Variants in CD2AP observed in about 807,000 individuals in gnomAD.
CD2AP encodes the protein CD2 associated protein, also known as CD2-associated protein.
A neutral mutation model predicts 85.1 loss-of-function variants in CD2AP; 46 were observed. The observed-to-expected ratio is 0.54, with a 90% CI of 0.43 to 0.69. CD2AP has a LOEUF of 0.69. Among genes scored for constraint, CD2AP ranks in the 30% least tolerant of loss-of-function variants. CD2AP has a pLI of 0.00. For missense variants in CD2AP, 769 were observed against 729.5 expected (o/e 1.05, Z -0.62); for synonymous variants, 255 against 252.9 (o/e 1.01, Z -0.08).
chr6:47,529,759 TA>T, intron 2 of CD2AP, among the ~76,000 whole-genome samples: 1 of 152,326 alleles, frequency 6.6e-6, no homozygotes, highest in Non-Finnish European at 1.5e-5. Context: ...TTGTTTTGCT[TA>T]AAGTCACAAT....
chr6:47,617,973 C>T (rs1216491951), intron 17 of CD2AP, among the ~76,000 whole-genome samples: 1 of 152,086 alleles, frequency 6.6e-6, no homozygotes, highest in Non-Finnish European at 1.5e-5. Context: ...TTCTCAAGGC[C>T]CTGCTCAAAC....
intron 1 of CD2AP, 90 bp downstream of exon 1, chr6:47,478,338 G>C: frequency 8.2e-6 from 12 of 1,467,836 alleles, no homozygotes; most frequent in Non-Finnish European, 1.0e-5. Flanking sequence ...GGAGGCGACT[G>C]CGGTCAGCCC....
chr6:47,568,743 C>CAAATAAATAAAT (rs57832054), intron 5 of CD2AP, among the ~76,000 whole-genome samples: 254 of 150,440 alleles, frequency 1.7e-3, no homozygotes, highest in South Asian at 4.7e-3. Flanking sequence ...GACTCCGTCT[C>CAAATAAATAAAT]AAATAAATAA....
At chr6:47,547,671 A>G (rs949183701) in intron 4 of CD2AP, among the ~76,000 whole-genome samples, 2 of 152,156 alleles carry the variant, frequency 1.3e-5, no homozygotes, top group African/African-American at 4.8e-5. Context: ...CCTGGAACAA[A>G]TGGAGTTAAC....
rs1421663503 is a variant in CD2AP at position 47,615,797 on chromosome 6, ATTTATTT to A, written c.1878+3262_1878+3268del. On this transcript the variant is annotated intron_variant, in intron 17 of 17. Transcript: ENST00000359314. ...TTTTAATTTTAATTTAATTTAATTT[ATTTATTT>A]ATTTATTTATTTATTTATTTATTTA... Among the ~76,000 whole-genome samples, 181 of 123,856 alleles carry A rather than the reference ATTTATTT, an allele frequency of 1.5e-3. 1 individual carries two copies. Among genetic ancestry groups the A allele is most frequent in the Middle Eastern group, 7.9e-3 (2 of 254 alleles). The allele number at this position is 123,856 out of a possible 152,430, so 81.3% of individuals were successfully genotyped here.
At chr6:47,483,328 C>T (rs137974940) in intron 1 of CD2AP, among the ~76,000 whole-genome samples, 1 of 152,204 alleles carries the variant, frequency 6.6e-6, no homozygotes, top group Non-Finnish European at 1.5e-5. Context: ...TGGCAAAGTG[C>T]AGCGTGTACA....
intron 1 of CD2AP, among the ~76,000 whole-genome samples, chr6:47,483,199 T>A (rs1765487370): frequency 6.6e-6 from 1 of 152,244 alleles, no homozygotes; most frequent in African/African-American, 2.4e-5. Flanking sequence ...GACCAAATTA[T>A]CTCAGCAGTC....
chr6:47,554,999 G>C (rs1050422525), intron 5 of CD2AP, among the ~76,000 whole-genome samples: 1 of 151,842 alleles, frequency 6.6e-6, no homozygotes, highest in Non-Finnish European at 1.5e-5. Context: ...TAAATCTTTA[G>C]TACCCTGAGT....
In CD2AP at chr6:47,550,004, C is replaced by G. The variant is rs529996332; in HGVS notation, c.421-4642C>G. On this transcript the variant is annotated intron_variant, in intron 4 of 17. Coordinates refer to ENST00000359314, the MANE Select transcript of CD2AP (RefSeq NM_012120.3). ...AATGGCACTGGAATAATTGGCTAGC[C>G]ACATGCAGGAGAATGAAACTGGATC... is the stretch of plus-strand genomic sequence containing the variant. Among the ~76,000 whole-genome samples the G allele has an allele frequency of 1.2e-4, 19 of 152,222 alleles. No homozygotes were observed. The South Asian group carries it at 3.9e-3, about 32-fold the overall frequency.
intron 11 of CD2AP, among the ~76,000 whole-genome samples, chr6:47,591,726 C>A (rs751027325): frequency 1.3e-5 from 2 of 151,972 alleles, no homozygotes; most frequent in Non-Finnish European, 2.9e-5. Flanking sequence ...TATTCTGAAG[C>A]AAATAAAAGG....
At chr6:47,527,196 C>G (rs964712933) in intron 2 of CD2AP, among the ~76,000 whole-genome samples, 6 of 152,096 alleles carry the variant, frequency 3.9e-5, no homozygotes, top group Non-Finnish European at 7.4e-5. Flanking sequence ...CATCAGAAAT[C>G]CTACGTGTGG....
intron 2 of CD2AP, among the ~76,000 whole-genome samples, chr6:47,530,827 T>C (rs1276312471): frequency 6.6e-6 from 1 of 152,248 alleles, no homozygotes; most frequent in Non-Finnish European, 1.5e-5. Flanking sequence ...TAGTGTCTGT[T>C]GAACCAGGAT....
At chr6:47,586,600 A>G (rs1768636970) in intron 11 of CD2AP, among the ~76,000 whole-genome samples, 1 of 152,176 alleles carries the variant, frequency 6.6e-6, no homozygotes, top group African/African-American at 2.4e-5. Flanking sequence ...ACCTTTTGGG[A>G]ATGGGTCAAA....
chr6:47,579,487 C>A lies in CD2AP; in HGVS notation c.1006C>A (p.Pro336Thr). Residue 336 changes from proline to threonine, a missense_variant and splice_region_variant, in exon 9 of 18, where the codon CCA (proline) becomes ACA (threonine). Coordinates refer to ENST00000359314, the MANE Select transcript of CD2AP (RefSeq NM_012120.3). The part of the protein sequence containing the change: ...VQINELDKDF[P>T]KPKKPPPPAK... ...GATAAATGAACTTGATAAAGACTTTCCAGTAAGCTTTTGTTTTTCAATGAT... is the reference window on the plus strand; with the variant it reads ...GATAAATGAACTTGATAAAGACTTTACAGTAAGCTTTTGTTTTTCAATGAT... 1 of 1,562,690 alleles carries A rather than the reference C, an allele frequency of 6.4e-7. No individual in the cohort carries two copies. Among genetic ancestry groups the A allele is most frequent in the Non-Finnish European group, 8.8e-7 (1 of 1,133,156 alleles).
chr6:47,497,689 C>T (rs192872094), intron 1 of CD2AP, among the ~76,000 whole-genome samples: 174 of 152,320 alleles, frequency 1.1e-3, no homozygotes, highest in Admixed American at 3.0e-3. Flanking sequence ...GTTGGGATTA[C>T]AGGTGTGAGC....
Position 47,609,277 on chromosome 6 carries a change from T to C in CD2AP, c.1787T>C (p.Ile596Thr). The change falls in exon 16 of 18, where the codon ATT (isoleucine) becomes ACT (threonine). Residue 596 changes from isoleucine to threonine, a missense_variant. Coordinates refer to ENST00000359314, the MANE Select transcript of CD2AP (RefSeq NM_012120.3). ...GCCCAGATTATTGAATTGTTGTGCATTGTAGAAGCACTGAAAAAGGATCAC... is the reference window on the plus strand; with the variant it reads ...GCCCAGATTATTGAATTGTTGTGCACTGTAGAAGCACTGAAAAAGGATCAC... Reference protein sequence around the residue: ...LRAQIIELLCIVEALKKDHGK... With the variant: ...LRAQIIELLCTVEALKKDHGK... 2 of 1,613,624 alleles carry C rather than the reference T, an allele frequency of 1.2e-6. No homozygotes were observed. The highest frequency in any genetic ancestry group is 1.7e-6 in the Non-Finnish European group (2 of 1,179,776).
chr6:47,574,326 T>G, intron 6 of CD2AP, 75 bp downstream of exon 6: 1 of 1,361,802 alleles, frequency 7.3e-7, no homozygotes, highest in Non-Finnish European at 1.0e-6. Context: ...AAAAGTCAGT[T>G]TGTAACTCTG....
At position 47,533,692 on chromosome 6, in the gene CD2AP, A is replaced by G. The variant is rs745421771; in HGVS notation, c.256A>G (p.Ser86Gly). 1.6e-5 allele frequency: 26 copies of G among 1,614,162 alleles called. No individual in the cohort carries two copies. In the South Asian group the frequency reaches 2.9e-4, roughly 18 times the overall value. ...TGTAGCAAGTCTTGTACAACGAATA[A>G]GCACCTATGGACTTCCAGCTGGAGG... is the stretch of plus-strand genomic sequence containing the variant. Reference protein sequence around the residue: ...GNVASLVQRISTYGLPAGGIQ... With the variant: ...GNVASLVQRIGTYGLPAGGIQ... The change falls in exon 3 of 18, where the codon AGC (serine) becomes GGC (glycine). Residue 86 changes from serine to glycine, a missense_variant. By Grantham distance (56) the Ser-to-Gly change is moderately conservative. Coordinates refer to ENST00000359314, the MANE Select transcript of CD2AP (RefSeq NM_012120.3).
At position 47,626,708 on chromosome 6, in the gene CD2AP, T is replaced by G. The variant is rs1245619138; in HGVS notation, c.*2481T>G. 6.6e-6 allele frequency: 1 copy of G among 152,440 alleles called. No homozygotes were observed. Among genetic ancestry groups the G allele is most frequent in the East Asian group, 1.9e-4 (1 of 5,200 alleles). The allele number at this position is 152,440 out of a possible 1,614,324, so 9.4% of individuals were successfully genotyped here. ...TAACAGAAGATACTCTTTTTTATGC[T>G]CCTTACTGTGATCACAGAAAAATTA... On this transcript the variant is annotated 3_prime_UTR_variant, in exon 18 of 18. Transcript: ENST00000359314.
Sources: allele counts gnomAD v4.1 joint callset (sites outside exome capture counted in the v4.1 genomes callset), GRCh38; gene constraint gnomAD v4.1.1; transcripts MANE v1.5; gene names NCBI Gene and HGNC (gene_info 2026-07-23, HGNC 2026-07-21).